DOCK3: variants seen among roughly 807,000 people sequenced by gnomAD.
DOCK3 encodes dedicator of cytokinesis 3.
Under a neutral mutation model 265.6 loss-of-function variants are expected in DOCK3, and 60 were observed. That is an observed-to-expected ratio of 0.23 (90% confidence interval 0.18 to 0.28). The LOEUF is 0.28. DOCK3 is among the 10% of genes least tolerant of loss of function. The probability of loss-of-function intolerance (pLI) is 1.00; values close to 1 mark genes in which losing one functional copy is unlikely to be tolerated. For synonymous variants in DOCK3, 881 were observed against 938.0 expected, an observed-to-expected ratio of 0.94 and a Z score of 1.11; for missense variants, 1,981 against 2,594.3, an observed-to-expected ratio of 0.76 and a Z score of 5.14.
chr3:50,682,731 G>A (rs1559508229), intron 1 of DOCK3, among the ~76,000 whole-genome samples: 1 of 152,210 alleles, frequency 6.6e-6, no homozygotes, highest in Non-Finnish European at 1.5e-5. Flanking sequence ...TTGAGGTCAG[G>A]AGTTTGAGAC....
In DOCK3 at chr3:51,286,138, G is replaced by A. The variant is rs75154446; in HGVS notation, c.2922+5934G>A. On this transcript the variant is annotated intron_variant, in intron 27 of 52. Coordinates refer to ENST00000266037, the MANE Select transcript of DOCK3 (RefSeq NM_004947.5). ...AGCAAAGTTTCAGGATACAAAAATCGATGTAAAAAATCAGTAGCATTTTTA... is the reference window on the plus strand; with the variant it reads ...AGCAAAGTTTCAGGATACAAAAATCAATGTAAAAAATCAGTAGCATTTTTA... Among the ~76,000 whole-genome samples, 956 of 152,122 alleles carry A rather than the reference G, an allele frequency of 6.3e-3. 13 individuals are homozygous for A. Among genetic ancestry groups the A allele is most frequent in the African/African-American group, 0.022 (917 of 41,480 alleles).
chr3:51,142,445 A>G (rs963781809), intron 9 of DOCK3, among the ~76,000 whole-genome samples: 1 of 152,136 alleles, frequency 6.6e-6, no homozygotes, highest in Non-Finnish European at 1.5e-5. Context: ...TTCTGTTCCT[A>G]TAGTTTTGTC....
At chr3:50,827,837 C>T (rs2044859591) in intron 2 of DOCK3, among the ~76,000 whole-genome samples, 1 of 151,990 alleles carries the variant, frequency 6.6e-6, no homozygotes, top group Non-Finnish European at 1.5e-5. Context: ...TCTTATTTTC[C>T]TTGAATTAAC....
At chr3:50,742,599 A>G (rs36178688) in intron 1 of DOCK3, among the ~76,000 whole-genome samples, 130,462 of 145,706 alleles carry the variant, frequency 0.9, 58,451 homozygotes, top group African/African-American at 0.94. Context: ...GGTATCAGCG[A>G]TGGAAGATGA....
At chr3:51,060,728 G>A (rs1225277323) in intron 5 of DOCK3, among the ~76,000 whole-genome samples, 1 of 151,970 alleles carries the variant, frequency 6.6e-6, no homozygotes, top group African/African-American at 2.4e-5. Context: ...ATTTCTGAGG[G>A]CTCTGTTCTG....
chr3:51,038,831 C>A (rs1256764874), intron 5 of DOCK3, among the ~76,000 whole-genome samples: 2 of 151,594 alleles, frequency 1.3e-5, no homozygotes, highest in African/African-American at 4.8e-5. Context: ...ATCTCCTGTT[C>A]TCCCACACAT....
intron 10 of DOCK3, among the ~76,000 whole-genome samples, chr3:51,155,123 C>T (rs558710299): frequency 6.6e-6 from 1 of 151,928 alleles, no homozygotes; most frequent in Non-Finnish European, 1.5e-5. Flanking sequence ...GGGCTATAGG[C>T]GCACACCATG....
Position 51,166,112 on chromosome 3 carries a change from G to A in DOCK3, c.1037+5410G>A, listed in dbSNP as rs567886677. Among the ~76,000 whole-genome samples the A allele has an allele frequency of 2.6e-3, 390 of 148,786 alleles. 1 individual carries two copies. Among genetic ancestry groups the A allele is most frequent in the Non-Finnish European group, 3.8e-3 (257 of 67,458 alleles). On this transcript the variant is annotated intron_variant, in intron 12 of 52. Transcript: ENST00000266037. ...GTCACCCAGGCTGGAATGCAATGGCGCAATCTCAGCTCACTGCAACCTCCA... is the reference window on the plus strand; with the variant it reads ...GTCACCCAGGCTGGAATGCAATGGCACAATCTCAGCTCACTGCAACCTCCA...
chr3:51,195,406 T>A (rs2088220066), intron 12 of DOCK3, among the ~76,000 whole-genome samples: 1 of 152,052 alleles, frequency 6.6e-6, no homozygotes, highest in African/African-American at 2.4e-5. Context: ...TATTTTTGTA[T>A]GTTTTCTTTT....
At chr3:50,713,120 C>A (rs1434379105) in intron 1 of DOCK3, among the ~76,000 whole-genome samples, 2 of 152,074 alleles carry the variant, frequency 1.3e-5, no homozygotes, top group Non-Finnish European at 2.9e-5. Flanking sequence ...AAAGGAGGAA[C>A]CAGTATGGTG....
chr3:51,268,384 C>T (rs2080312654), intron 23 of DOCK3, among the ~76,000 whole-genome samples: 1 of 152,008 alleles, frequency 6.6e-6, no homozygotes, highest in East Asian at 1.9e-4. Flanking sequence ...ACAGCCTTAC[C>T]CTAGAACAAA....
At chr3:50,863,179 T>C (rs1032088994) in intron 3 of DOCK3, among the ~76,000 whole-genome samples, 7 of 152,164 alleles carry the variant, frequency 4.6e-5, no homozygotes, top group Non-Finnish European at 1.0e-4. Context: ...TTCTCTGTGT[T>C]TGTCAAAGTC....
At chr3:51,180,436 G>A (rs752160538) in intron 12 of DOCK3, among the ~76,000 whole-genome samples, 6 of 152,132 alleles carry the variant, frequency 3.9e-5, no homozygotes, top group Non-Finnish European at 4.4e-5. Flanking sequence ...AACTGCACTC[G>A]CTCTGGAGGT....
intron 1 of DOCK3, among the ~76,000 whole-genome samples, chr3:50,752,664 A>G (rs1306268790): frequency 1.3e-5 from 2 of 151,576 alleles, no homozygotes; most frequent in African/African-American, 4.8e-5. Context: ...TGTAATCCCA[A>G]CTACTCAGGA....
intron 32 of DOCK3, among the ~76,000 whole-genome samples, chr3:51,326,076 C>CA (rs1560440192): frequency 1.3e-5 from 2 of 148,868 alleles, no homozygotes; most frequent in Non-Finnish European, 1.5e-5. Context: ...AAAAAAAGGC[C>CA]AAAAAAATGA....
At chr3:51,051,812 C>G (rs1222246376) in intron 5 of DOCK3, among the ~76,000 whole-genome samples, 1 of 152,096 alleles carries the variant, frequency 6.6e-6, no homozygotes, top group Non-Finnish European at 1.5e-5. Flanking sequence ...AGCTTTTACT[C>G]ATGTCAGGAG....
At chr3:51,193,780 AT>A in intron 12 of DOCK3, among the ~76,000 whole-genome samples, 1 of 102,328 alleles carries the variant, frequency 9.8e-6, no homozygotes, top group South Asian at 3.2e-4. Context: ...GTTTTTTCTG[AT>A]TTTATTTGGG....
intron 27 of DOCK3, among the ~76,000 whole-genome samples, chr3:51,309,967 A>G (rs929556885): frequency 1.3e-5 from 2 of 152,220 alleles, no homozygotes; most frequent in African/African-American, 4.8e-5. Flanking sequence ...TTGTGGGTAT[A>G]AAGTGGGTAT....
chr3:51,152,196 AC>A, intron 10 of DOCK3, among the ~76,000 whole-genome samples: 1 of 151,320 alleles, frequency 6.6e-6, no homozygotes, highest in East Asian at 1.9e-4. Context: ...GTTTATTTTT[AC>A]TTTTTTTTTC....
Sources: gnomAD v4.1 joint callset for allele counts (sites outside exome capture counted in the v4.1 genomes callset) on GRCh38, gnomAD v4.1.1 for gene constraint, MANE v1.5 for transcripts, NCBI Gene and HGNC (gene_info 2026-07-23, HGNC 2026-07-21) for gene names.